The following ITGAX variants were observed in gnomAD, a reference collection of about 807,000 sequenced individuals.
ITGAX encodes integrin subunit alpha X, also known as integrin alpha-X.
A neutral mutation model predicts 140.2 loss-of-function variants in ITGAX; 99 were observed. The observed-to-expected ratio is 0.71, with a 90% CI of 0.60 to 0.83. The LOEUF (loss-of-function observed/expected upper bound fraction) is 0.83, where lower values mean the gene tolerates loss of function less well. ITGAX is among the 40% of genes least tolerant of loss of function. ITGAX has a pLI of 0.00. For missense variants in ITGAX, 1,444 were observed against 1,482.0 expected (o/e 0.97, Z 0.42); for synonymous variants, 631 against 600.4 (o/e 1.05, Z -0.75).
At position 31,365,355 on chromosome 16, in the gene ITGAX, G is replaced by A. The variant is rs117036894; in HGVS notation, c.1710+1981G>A. Among the ~76,000 whole-genome samples the A allele has an allele frequency of 7.9e-5, 12 of 152,308 alleles. No individual in the cohort carries two copies. The East Asian group carries it at 2.3e-3, about 29-fold the overall frequency. ...GTCATATACTTTAAAGGGGTGAGTT[G>A]TGTGCTATGTGGTCTATAGCTCAAA... is the stretch of plus-strand genomic sequence containing the variant. On this transcript the variant is annotated intron_variant, in intron 14 of 29. Transcript: ENST00000268296.
At chr16:31,369,295 C>G (rs1390985565) in intron 14 of ITGAX, among the ~76,000 whole-genome samples, 1 of 150,198 alleles carries the variant, frequency 6.7e-6, no homozygotes, top group South Asian at 2.2e-4. Flanking sequence ...GCTGACCCCC[C>G]CCCCCACCTC....
intron 23 of ITGAX, among the ~76,000 whole-genome samples, chr16:31,378,688 T>C (rs796686152): frequency 1.9e-4 from 29 of 152,098 alleles, no homozygotes; most frequent in African/African-American, 7.0e-4. Flanking sequence ...CCCAGGCTGA[T>C]CTTGAATCCT....
chr16:31,362,803 TG>T (rs1597067965), intron 12 of ITGAX, 50 bp downstream of exon 12: 2 of 1,608,102 alleles, frequency 1.2e-6, no homozygotes, highest in Non-Finnish European at 1.7e-6. Flanking sequence ...GGGAGGTGGC[TG>T]GGGCAGAGGA....
chr16:31,380,457 G>A (rs2081058235), intron 27 of ITGAX, 66 bp from the exon 28 acceptor site: 3 of 1,611,984 alleles, frequency 1.9e-6, no homozygotes, highest in Non-Finnish European at 2.5e-6. Context: ...TGCAAGCCAG[G>A]GCACCCCCAG....
rs1280003222 is a variant in ITGAX, at chr16:31,363,348, C to G, written c.1684C>G (p.Pro562Ala). Residue 562 changes from proline to alanine, a missense_variant, in exon 14 of 30, where the codon CCC becomes GCC. Physicochemically the swap from Pro to Ala is conservative, Grantham distance 27 (BLOSUM62 -1). Transcript: ENST00000268296. ...AVYLFHGVLG[P>A]SISPSHSQRI... is the part of the protein sequence containing the mutation. ...CTACCTGTTTCACGGAGTCTTGGGA[C>G]CCAGCATCAGCCCCTCCCACAGCCA... 6.2e-7 allele frequency: 1 copy of G among 1,613,100 alleles called. No individual in the cohort carries two copies. Among genetic ancestry groups the G allele is most frequent in the Non-Finnish European group, 8.5e-7 (1 of 1,179,332 alleles).
intron 20 of ITGAX, among the ~76,000 whole-genome samples, chr16:31,375,884 G>A (rs2081015311): frequency 6.6e-6 from 1 of 152,200 alleles, no homozygotes; most frequent in Non-Finnish European, 1.5e-5. Context: ...GCTGAATATT[G>A]ATTTTAACAA....
At chr16:31,373,115 AG>A in intron 19 of ITGAX, 133 bp from the exon 20 acceptor site, 1 of 649,000 alleles carries the variant, frequency 1.5e-6, no homozygotes, top group Non-Finnish European at 2.5e-6. Context: ...AAGAAGAAGA[AG>A]AAGAAGAAGA....
At chr16:31,375,301 C>T (rs926028792) in intron 20 of ITGAX, among the ~76,000 whole-genome samples, 3 of 152,194 alleles carry the variant, frequency 2.0e-5, no homozygotes, top group Admixed American at 6.5e-5. Flanking sequence ...CAGGCGTAAG[C>T]CACGGAGCCT....
chr16:31,360,259 G>A (rs752143105), intron 7 of ITGAX, 51 bp from the exon 8 acceptor site: 9 of 1,559,212 alleles, frequency 5.8e-6, no homozygotes, highest in African/African-American at 1.4e-5. Flanking sequence ...GGGCACCAGG[G>A]GCTAGTGTGG....
rs1351687184 is a variant in ITGAX, at chr16:31,357,301, AC to A, written c.369del (p.Gly124AspfsTer32). On this transcript the variant is annotated frameshift_variant, in exon 5 of 30. Coordinates refer to ENST00000268296, the MANE Select transcript of ITGAX (RefSeq NM_000887.5). LOFTEE classifies it high-confidence loss of function. ...CGAGTGCGGGAGGAACATGTACCTC[AC>A]CGGACTCTGCTTCCTCCTGGGCCCC... ...HHECGRNMYLTGLCFLLGPTQ... is the reference protein window; with the variant it reads ...HHECGRNMYLXGLCFLLGPTQ... 1 of 1,608,874 alleles carries A rather than the reference AC, an allele frequency of 6.2e-7. No individual in the cohort carries two copies. Among genetic ancestry groups the A allele is most frequent in the African/African-American group, 1.3e-5 (1 of 74,744 alleles).
chr16:31,361,598 G>A, intron 9 of ITGAX: 1 of 720,280 alleles, frequency 1.4e-6, no homozygotes, highest in East Asian at 2.5e-5. Context: ...GGGTCTGCTT[G>A]TAGACCTGTG....
Position 31,371,668 on chromosome 16 carries a change from G to T in ITGAX, c.2044G>T (p.Asp682Tyr). ...CTCTGTGACCTTGGACCTGGCCCTC[G>T]ACCCTGGCCGCCTGAGTCCCCGTGC... ...QSSVTLDLAL[D>Y]PGRLSPRATF... Residue 682 changes from aspartate to tyrosine, a missense_variant, in exon 17 of 30, where the codon GAC (aspartate) becomes TAC (tyrosine). Asp to Tyr is a radical substitution (Grantham distance 160). Transcript: ENST00000268296. 6.2e-7 allele frequency: 1 copy of T among 1,614,082 alleles called. No homozygotes were observed. The highest frequency in any genetic ancestry group is 8.5e-7 in the Non-Finnish European group (1 of 1,180,026).
chr16:31,367,779 G>A (rs548845654), intron 14 of ITGAX, among the ~76,000 whole-genome samples: 2 of 152,250 alleles, frequency 1.3e-5, no homozygotes, highest in Admixed American at 6.5e-5. Flanking sequence ...GAGTAATTTC[G>A]ACTTTCAAGT....
chr16:31,380,259 C>A lies in ITGAX; in HGVS notation c.3061-7C>A. The A allele has an allele frequency of 1.2e-6, 2 of 1,612,860 alleles. No homozygotes were observed. Among genetic ancestry groups the A allele is most frequent in the Non-Finnish European group, 1.7e-6 (2 of 1,179,268 alleles). Reference sequence around the variant, plus strand: ...TTCTCAGCCCCATGCTATTTATCTGCCCCCAGGACTGCTCCATTGCTGGCT... The same window carrying A: ...TTCTCAGCCCCATGCTATTTATCTGACCCCAGGACTGCTCCATTGCTGGCT... On this transcript the variant is annotated splice_region_variant and splice_polypyrimidine_tract_variant and intron_variant, in intron 26 of 29. Transcript: ENST00000268296.
Position 31,372,678 on chromosome 16 carries a change from C to A in ITGAX, c.2366+8C>A. 1.2e-6 allele frequency: 2 copies of A among 1,613,106 alleles called. No homozygotes were observed. The highest frequency in any genetic ancestry group is 4.5e-5 in the East Asian group (2 of 44,860). On this transcript the variant is annotated splice_region_variant and intron_variant, in intron 19 of 29. Transcript: ENST00000268296. ...CTCCTTCAGCTTCCCAGGGTGAGCG[C>A]CCCCACCTTAGACCTGCCCTACTGC...
chr16:31,360,858 G>A (rs1597064968), intron 8 of ITGAX: 1 of 568,346 alleles, frequency 1.8e-6, no homozygotes, highest in East Asian at 3.1e-5. Context: ...GGCTCTTACT[G>A]CCTTAAGGAT....
At position 31,359,981 on chromosome 16, in the gene ITGAX, G is replaced by A. The variant is rs774736704; in HGVS notation, c.623G>A (p.Arg208His). 23 of 1,613,948 alleles carry A rather than the reference G, an allele frequency of 1.4e-5. No homozygotes were observed. Among genetic ancestry groups the A allele is most frequent in the South Asian group, 3.3e-5 (3 of 91,090 alleles). The change falls in exon 7 of 30, where the codon CGC (arginine) becomes CAC (histidine). Residue 208 changes from arginine (R) to histidine (H), a missense_variant. Transcript: ENST00000268296. ...QTHFTFEEFR[R>H]SSNPLSLLAS... ...CACTTCACTTTCGAGGAATTCAGGC[G>A]CAGCTCAAACCCCCTCAGCCTGTTG...
chr16:31,357,529 G>A (rs1417495082), intron 5 of ITGAX, 165 bp downstream of exon 5: 2 of 592,336 alleles, frequency 3.4e-6, no homozygotes, highest in Admixed American at 3.0e-5. Flanking sequence ...ACATCCTGCC[G>A]ATCGCCCGCA....
chr16:31,365,939 C>CAAACA (rs1169154349), intron 14 of ITGAX, among the ~76,000 whole-genome samples: 2 of 151,962 alleles, frequency 1.3e-5, no homozygotes, highest in South Asian at 2.1e-4. Context: ...AACAAACAAA[C>CAAACA]AAAAAACACA....
Sources: gnomAD v4.1 joint callset for allele counts (sites outside exome capture counted in the v4.1 genomes callset) on GRCh38, gnomAD v4.1.1 for gene constraint, MANE v1.5 for transcripts, NCBI Gene and HGNC (gene_info 2026-07-23, HGNC 2026-07-21) for gene names.